The following KAZN variants were observed in gnomAD, a reference collection of about 807,000 sequenced individuals.
The protein encoded by KAZN is kazrin, periplakin interacting protein.
KAZN carries 40 observed loss-of-function variants against 87.4 expected under a neutral mutation model. That is an observed-to-expected ratio of 0.46 (90% CI 0.36 to 0.60). The LOEUF (loss-of-function observed/expected upper bound fraction) is 0.60. Ranked by LOEUF, KAZN falls within the 20% of genes least tolerant of loss-of-function variation. The pLI, the probability that KAZN is intolerant of heterozygous loss-of-function variation, is 0.00. For synonymous variants in KAZN, 466 were observed against 458.3 expected (o/e 1.02, Z -0.22); for missense variants, 898 against 1,073.9 (o/e 0.84, Z 2.29).
chr1:14,793,641 A>C (rs1028946268), intron 1 of KAZN, among the ~76,000 whole-genome samples: 5 of 152,204 alleles, frequency 3.3e-5, no homozygotes, highest in Admixed American at 2.6e-4. Flanking sequence ...GTGCTCCATA[A>C]ATGTTTGCTT....
intron 1 of KAZN, among the ~76,000 whole-genome samples, chr1:14,836,656 C>A (rs1375891353): frequency 1.3e-5 from 2 of 152,112 alleles, no homozygotes; most frequent in Non-Finnish European, 2.9e-5. Context: ...CTCAGGCTCC[C>A]CAACTCCCAC....
At chr1:15,022,430 A>G (rs1670771487) in intron 2 of KAZN, among the ~76,000 whole-genome samples, 1 of 152,154 alleles carries the variant, frequency 6.6e-6, no homozygotes, top group African/African-American at 2.4e-5. Context: ...TATTATCCCC[A>G]TTTGACCGTG....
intron 1 of KAZN, among the ~76,000 whole-genome samples, chr1:14,092,146 A>G (rs1245501716): frequency 7.2e-6 from 1 of 138,836 alleles, no homozygotes; most frequent in African/African-American, 2.7e-5. Context: ...GCTGGAGTGC[A>G]GTGGCGCAAT....
intron 1 of KAZN, among the ~76,000 whole-genome samples, chr1:14,843,895 C>A (rs1052796351): frequency 6.6e-6 from 1 of 152,356 alleles, no homozygotes; most frequent in Admixed American, 6.5e-5. Context: ...ACCAAAGCAA[C>A]TCACTCGACT....
At position 14,028,786 on chromosome 1, in the gene KAZN, C is replaced by G. The variant is rs574257082; in HGVS notation, c.91+135030C>G. 6.6e-5 allele frequency among the ~76,000 whole-genome samples: 10 copies of G among 152,228 alleles called. No individual in the cohort carries two copies. The East Asian group carries it at 1.9e-3, about 29-fold the overall frequency. ...ATGATTTCCAATTTCATCCATGTCC[C>G]TACAAAGGACATGAACTCATCATTT... On this transcript the variant is annotated intron_variant, in intron 1 of 16. Coordinates refer to the KAZN transcript ENST00000636203.
At chr1:14,994,424 GT>G (rs1446941229) in intron 2 of KAZN, among the ~76,000 whole-genome samples, 1 of 152,210 alleles carries the variant, frequency 6.6e-6, no homozygotes, top group Non-Finnish European at 1.5e-5. Context: ...GTGCCATTGT[GT>G]TTCTGTTTTG....
intron 2 of KAZN, among the ~76,000 whole-genome samples, chr1:14,360,658 A>G (rs1040889560): frequency 1.4e-5 from 2 of 146,796 alleles, no homozygotes; most frequent in South Asian, 2.2e-4. Context: ...GTGTTATGCT[A>G]TTCCTGTTTG....
At chr1:15,063,398 C>T in intron 6 of KAZN, 174 bp from the exon 7 acceptor site, 1 of 632,906 alleles carries the variant, frequency 1.6e-6, no homozygotes, top group Non-Finnish European at 2.9e-6. Flanking sequence ...CATCAATAAG[C>T]CATCTGGGGG....
intron 13 of KAZN, among the ~76,000 whole-genome samples, chr1:15,104,403 A>G (rs1641222988): frequency 6.6e-6 from 1 of 152,248 alleles, no homozygotes; most frequent in African/African-American, 2.4e-5. Flanking sequence ...AAAGACGTAG[A>G]GGAGCAGTCA....
intron 2 of KAZN, among the ~76,000 whole-genome samples, chr1:14,454,600 C>G (rs960089882): frequency 1.3e-5 from 2 of 152,088 alleles, no homozygotes; most frequent in Non-Finnish European, 2.9e-5. Context: ...TTGCCTTTAC[C>G]ATAGTTAGTG....
At position 14,043,496 on chromosome 1, in the gene KAZN, T is replaced by C. The variant is rs1570598994; in HGVS notation, c.92-136939T>C. ...AATGGTAATTCAATTTTTATTTTTA[T>C]TTTTTTGAGGAACTGTCGTACTGTT... On this transcript the variant is annotated intron_variant, in intron 1 of 16. Transcript: ENST00000636203. Among the ~76,000 whole-genome samples, 6 of 152,306 alleles carry C rather than the reference T, an allele frequency of 3.9e-5. No homozygotes were observed. The South Asian group carries it at 1.2e-3, about 32-fold the overall frequency.
rs1640971107 is a variant in KAZN, at chr1:15,099,771, G to A, written c.1548-1772G>A. Among the ~76,000 whole-genome samples, 1 of 152,186 alleles carries A rather than the reference G, an allele frequency of 6.6e-6. No individual in the cohort carries two copies. Among genetic ancestry groups the A allele is most frequent in the African/African-American group, 2.4e-5 (1 of 41,450 alleles). On this transcript the variant is annotated intron_variant, in intron 10 of 14. Transcript: ENST00000376030. This position sits in a 1 kb window ranked among gnomAD's most constrained non-coding sequence, Gnocchi z 5.4. ...GGACCCCCTGGTGGTCCTGGGGGAT[G>A]CGGAATAGAAGGGAAGCAAAGGCAG...
intron 2 of KAZN, among the ~76,000 whole-genome samples, chr1:15,029,834 C>G (rs1671509486): frequency 6.6e-6 from 1 of 152,198 alleles, no homozygotes; most frequent in Non-Finnish European, 1.5e-5. Context: ...GTGTAAATCC[C>G]CCAGGGAGCC....
At chr1:14,138,870 A>G (rs553667331) in intron 1 of KAZN, among the ~76,000 whole-genome samples, 1 of 33,016 alleles carries the variant, frequency 3.0e-5, no homozygotes, top group Admixed American at 5.2e-4. Flanking sequence ...GGCTCTTCCA[A>G]CACTAAGAAT....
chr1:14,115,416 G>C (rs1237216401), intron 1 of KAZN, among the ~76,000 whole-genome samples: 2 of 152,202 alleles, frequency 1.3e-5, no homozygotes, highest in Non-Finnish European at 2.9e-5. Context: ...TTCCTGTGCT[G>C]TTCTCATGAT....
At chr1:13,969,865 T>C (rs1642075666) in intron 1 of KAZN, among the ~76,000 whole-genome samples, 1 of 152,198 alleles carries the variant, frequency 6.6e-6, no homozygotes, top group South Asian at 2.1e-4. Context: ...TGAATTCAAC[T>C]ATAGAGACCT....
At chr1:14,050,193 C>G (rs967674304) in intron 1 of KAZN, among the ~76,000 whole-genome samples, 3 of 149,694 alleles carry the variant, frequency 2.0e-5, no homozygotes, top group African/African-American at 7.4e-5. Flanking sequence ...TGTGTGTACA[C>G]ATATGTGCAC....
At chr1:15,044,652 G>A (rs1326623837) in intron 4 of KAZN, among the ~76,000 whole-genome samples, 2 of 151,058 alleles carry the variant, frequency 1.3e-5, no homozygotes, top group Non-Finnish European at 2.9e-5. Context: ...GAGGCAAAAG[G>A]ATTGCCTGAG....
At chr1:14,348,125 G>A (rs536712515) in intron 2 of KAZN, among the ~76,000 whole-genome samples, 126 of 143,584 alleles carry the variant, frequency 8.8e-4, no homozygotes, top group Middle Eastern at 4.2e-3. Flanking sequence ...ATCTCAGCTC[G>A]CTGCAACCTC....
Sources: allele counts gnomAD v4.1 joint callset (sites outside exome capture counted in the v4.1 genomes callset), GRCh38; gene constraint gnomAD v4.1.1; non-coding constraint Gnocchi (gnomAD v3.1); transcripts MANE v1.5; gene names NCBI Gene and HGNC (gene_info 2026-07-23, HGNC 2026-07-21).